SLC2A14: variants seen among roughly 807,000 people sequenced by gnomAD.
SLC2A14 encodes the protein solute carrier family 2 member 14.
In SLC2A14, 13 loss-of-function variants were observed where a neutral mutation model predicts 43.0. The observed-to-expected ratio is 0.30, with a 90% CI of 0.20 to 0.48. The LOEUF (loss-of-function observed/expected upper bound fraction) is 0.48, where lower values mean the gene tolerates loss of function less well. Ranked by LOEUF, SLC2A14 falls within the 20% of genes least tolerant of loss-of-function variation. The pLI, the probability that SLC2A14 is intolerant of heterozygous loss-of-function variation, is 0.99. For synonymous variants in SLC2A14, 190 were observed against 233.8 expected, an observed-to-expected ratio of 0.81 and a Z score of 1.71; for missense variants, 428 against 620.4, an observed-to-expected ratio of 0.69 and a Z score of 3.29.
rs780991822 is a variant in SLC2A14 at position 7,814,290 on chromosome 12, G to A, written c.*26C>T. The A allele has an allele frequency of 9.7e-6, 15 of 1,539,432 alleles. 1 individual carries two copies. The highest frequency in any genetic ancestry group is 1.8e-4 in the Middle Eastern group (1 of 5,486). ...GAGGGAGAGGTGGCTTTCCCATGCC[G>A]GGAGGGAGGTGGAAGGAGGCATGAC... On this transcript the variant is annotated 3_prime_UTR_variant, in exon 11 of 11. Transcript: ENST00000431042.
chr12:7,870,843 G>A (rs1945184420), intron 1 of SLC2A14: 4 of 1,265,908 alleles, frequency 3.2e-6, no homozygotes, highest in Non-Finnish European at 4.1e-6. Flanking sequence ...CCACCCACCT[G>A]AAGCCAAAAT....
intron 10 of SLC2A14, among the ~76,000 whole-genome samples, chr12:7,815,584 T>C (rs1863366629): frequency 6.6e-6 from 1 of 152,202 alleles, no homozygotes; most frequent in Admixed American, 6.5e-5. Context: ...TGTTTTGTTT[T>C]GTTTTTTTTG....
intron 10 of SLC2A14, 137 bp from the exon 11 acceptor site, chr12:7,814,671 C>T (rs1308957682): frequency 1.0e-6 from 1 of 966,440 alleles, no homozygotes; most frequent in African/African-American, 1.6e-5. Flanking sequence ...AAGGTTTCTT[C>T]AGAGATTTAC....
intron 7 of SLC2A14, 30 bp from the exon 8 acceptor site, chr12:7,821,355 T>C (rs758281336): frequency 5.9e-5 from 93 of 1,575,686 alleles, no homozygotes; most frequent in Non-Finnish European, 7.9e-5. Context: ...GCAGCTTTGA[T>C]AAAATTCTGC....
intron 1 of SLC2A14, among the ~76,000 whole-genome samples, chr12:7,882,178 G>A (rs1046171160): frequency 1.3e-5 from 2 of 152,026 alleles, no homozygotes; most frequent in African/African-American, 2.4e-5. Flanking sequence ...CACTCACCGT[G>A]AAAGTCTGTA....
chr12:7,878,300 C>A (rs1945499221), upstream of SLC2A14, among the ~76,000 whole-genome samples: 1 of 152,212 alleles, frequency 6.6e-6, no homozygotes, highest in East Asian at 1.9e-4. Flanking sequence ...ATCTGCCTGC[C>A]TCAGCCTCCC....
At chr12:7,871,088 C>A in intron 1 of SLC2A14, 1 of 1,365,008 alleles carries the variant, frequency 7.3e-7, no homozygotes, top group East Asian at 3.8e-5. Context: ...AGCGAGGCCC[C>A]AGGGCCCATC....
At chr12:7,882,662 C>A (rs1036800534) in intron 1 of SLC2A14, among the ~76,000 whole-genome samples, 12 of 152,144 alleles carry the variant, frequency 7.9e-5, no homozygotes, top group African/African-American at 2.9e-4. Context: ...CATGGCTAAA[C>A]CTCATCTCTA....
upstream of SLC2A14, among the ~76,000 whole-genome samples, chr12:7,874,728 A>T (rs1192805470): frequency 1.1e-3 from 35 of 31,082 alleles, no homozygotes; most frequent in South Asian, 0.018. Flanking sequence ...AAATATATAA[A>T]AAATATATAA....
intron 1 of SLC2A14, among the ~76,000 whole-genome samples, chr12:7,878,988 A>AC (rs1945514605): frequency 3.4e-5 from 3 of 89,370 alleles, no homozygotes; most frequent in East Asian, 3.2e-4. Flanking sequence ...AAAAAAAAAA[A>AC]AAAAAAAAAA....
intron 7 of SLC2A14, among the ~76,000 whole-genome samples, chr12:7,824,324 T>C (rs1330331638): frequency 6.6e-6 from 1 of 152,130 alleles, no homozygotes; most frequent in African/African-American, 2.4e-5. Context: ...AGATATTAGG[T>C]TGGTACAAAA....
At position 7,814,149 on chromosome 12, in the gene SLC2A14, A is replaced by G; in HGVS notation, c.*167T>C. On this transcript the variant is annotated 3_prime_UTR_variant, in exon 11 of 11. Coordinates refer to ENST00000431042, the MANE Select transcript of SLC2A14 (RefSeq NM_001286234.2). ...GAAATAAAATTTAAAAAGCCATTGA[A>G]GATCCAACAAACTGCAGCCTTGGGG... 1.6e-6 allele frequency: 2 copies of G among 1,274,852 alleles called. No individual in the cohort carries two copies. Among genetic ancestry groups the G allele is most frequent in the Non-Finnish European group, 2.2e-6 (2 of 928,948 alleles). 79.0% of individuals were successfully genotyped at this position (1,274,852 alleles called of 1,614,324 possible).
chr12:7,863,636 T>C (rs796080707), intron 2 of SLC2A14, among the ~76,000 whole-genome samples: 9 of 151,636 alleles, frequency 5.9e-5, no homozygotes, highest in African/African-American at 2.2e-4. Context: ...AAATAAAAAA[T>C]AAACCTTGGA....
At chr12:7,822,925 AT>A (rs1442462319) in intron 7 of SLC2A14, among the ~76,000 whole-genome samples, 2 of 152,206 alleles carry the variant, frequency 1.3e-5, no homozygotes, top group African/African-American at 2.4e-5. Flanking sequence ...TAGTGAACTA[AT>A]TGAATAACCT....
chr12:7,859,164 G>A (rs1447351162), intron 2 of SLC2A14, among the ~76,000 whole-genome samples: 9 of 152,106 alleles, frequency 5.9e-5, no homozygotes, highest in East Asian at 5.8e-4. Flanking sequence ...TGAGGAGGGC[G>A]GATCACCTGA....
chr12:7,881,375 GC>G (rs1945568153), intron 1 of SLC2A14, among the ~76,000 whole-genome samples: 1 of 151,704 alleles, frequency 6.6e-6, no homozygotes, highest in Non-Finnish European at 1.5e-5. Flanking sequence ...ACTCGGAGCG[GC>G]CGGCCGGCCG....
intron 2 of SLC2A14, among the ~76,000 whole-genome samples, chr12:7,842,468 G>A (rs148559610): frequency 0.016 from 2,363 of 152,292 alleles, 51 homozygotes; most frequent in African/African-American, 0.053. Context: ...GCCGAGAAGC[G>A]GGAAAAGACT....
rs765287960 is a variant in SLC2A14, at chr12:7,881,113, T to C, written c.132+9883A>G. On this transcript the variant is annotated intron_variant, in intron 1 of 9. Transcript: ENST00000539924. ...GAAATCGCACTGAGAGGTGACAGCG[T>C]GCTGGCAGTCCTCACAGCCCTCGCT... Among the ~76,000 whole-genome samples the C allele has an allele frequency of 1.1e-4, 16 of 152,246 alleles. No homozygotes were observed. In the South Asian group the frequency reaches 3.3e-3, roughly 32 times the overall value.
chr12:7,850,045 A>AAG (rs1866800503), intron 2 of SLC2A14, among the ~76,000 whole-genome samples: 1 of 151,428 alleles, frequency 6.6e-6, no homozygotes, highest in Non-Finnish European at 1.5e-5. Context: ...AAAAAAAAAA[A>AAG]GAGCCAAGAA....
Sources: gnomAD v4.1 joint callset for allele counts (sites outside exome capture counted in the v4.1 genomes callset) on GRCh38, gnomAD v4.1.1 for gene constraint, MANE v1.5 for transcripts, NCBI Gene and HGNC (gene_info 2026-07-23, HGNC 2026-07-21) for gene names.